GRM5: variants seen among roughly 807,000 people sequenced by gnomAD.
GRM5 encodes metabotropic glutamate receptor 5.
Under a neutral mutation model 83.1 loss-of-function variants are expected in GRM5, and 19 were observed. The ratio of observed to expected loss-of-function variants is 0.23; its 90% CI spans 0.16 to 0.34. The LOEUF is 0.34. Among genes scored for constraint, GRM5 ranks in the 10% least tolerant of loss-of-function variants. GRM5 has a pLI of 1.00. For synonymous variants in GRM5, 675 were observed against 633.6 expected (o/e 1.07, Z -0.98); for missense variants, 1,160 against 1,588.3 (o/e 0.73, Z 4.58).
chr11:88,591,946 G>T (rs548983369), intron 6 of GRM5, among the ~76,000 whole-genome samples: 1 of 152,242 alleles, frequency 6.6e-6, no homozygotes, highest in Admixed American at 6.5e-5. Context: ...GAAGTAGCTG[G>T]TTTATTTTTT....
intron 4 of GRM5, among the ~76,000 whole-genome samples, chr11:88,630,179 A>C (rs1847439): frequency 0.69 from 105,490 of 152,080 alleles, 41,866 homozygotes; most frequent in Non-Finnish European, 0.9. Context: ...TATCTCCCTG[A>C]TTTATTTTTC....
intron 2 of GRM5, among the ~76,000 whole-genome samples, chr11:89,024,712 A>T (rs548834212): frequency 2.0e-5 from 3 of 152,292 alleles, no homozygotes; most frequent in African/African-American, 7.2e-5. Flanking sequence ...ACATATTTTC[A>T]ATTCTTATGT....
At chr11:88,620,194 G>A (rs1020325167) in intron 4 of GRM5, among the ~76,000 whole-genome samples, 20 of 152,180 alleles carry the variant, frequency 1.3e-4, no homozygotes, top group African/African-American at 4.6e-4. Context: ...GCCCACCACA[G>A]AGTAGGAACT....
At chr11:88,757,060 T>A (rs1223108049) in intron 3 of GRM5, among the ~76,000 whole-genome samples, 1 of 152,094 alleles carries the variant, frequency 6.6e-6, no homozygotes, top group East Asian at 1.9e-4. Context: ...GCTCATCACA[T>A]GCAAGGGGTC....
intron 2 of GRM5, among the ~76,000 whole-genome samples, chr11:88,980,645 C>A (rs906620874): frequency 1.3e-5 from 2 of 151,784 alleles, no homozygotes; most frequent in African/African-American, 4.8e-5. Flanking sequence ...ACATGGTGAG[C>A]CCCCGTCTCT....
intron 2 of GRM5, among the ~76,000 whole-genome samples, chr11:88,876,071 T>C (rs1468017859): frequency 6.6e-6 from 1 of 152,076 alleles, no homozygotes; most frequent in African/African-American, 2.4e-5. Context: ...CTCTCCTCTC[T>C]AGGATGGAAG....
chr11:88,787,801 G>C (rs148641469), intron 3 of GRM5, among the ~76,000 whole-genome samples: 45 of 152,236 alleles, frequency 3.0e-4, no homozygotes, highest in African/African-American at 9.6e-4. Flanking sequence ...CATTTATTGA[G>C]ATAGGGAATG....
At chr11:88,999,167 C>T (rs933693304) in intron 2 of GRM5, among the ~76,000 whole-genome samples, 16 of 152,166 alleles carry the variant, frequency 1.1e-4, no homozygotes, top group African/African-American at 3.6e-4. Flanking sequence ...TCATTCAGGA[C>T]ATAGGCATGG....
At chr11:88,928,907 T>TATATATATATAC (rs369951090) in intron 2 of GRM5, among the ~76,000 whole-genome samples, 11,860 of 138,602 alleles carry the variant, frequency 0.086, 672 homozygotes, top group Middle Eastern at 0.13. Flanking sequence ...TATGTGTATA[T>TATATATATATAC]ACACACACAC....
chr11:88,989,803 T>C (rs1435655857), intron 2 of GRM5, among the ~76,000 whole-genome samples: 2 of 150,850 alleles, frequency 1.3e-5, no homozygotes, highest in Admixed American at 6.6e-5. Flanking sequence ...AAGATGTTCT[T>C]TGAAACCAAC....
chr11:88,683,903 T>C (rs1940556511), intron 3 of GRM5, among the ~76,000 whole-genome samples: 1 of 152,168 alleles, frequency 6.6e-6, no homozygotes, highest in African/African-American at 2.4e-5. Context: ...TAGATAGCAA[T>C]ACATGCTGAA....
chr11:88,514,317 A>AT (rs1378765776), intron 9 of GRM5, among the ~76,000 whole-genome samples: 1 of 152,174 alleles, frequency 6.6e-6, no homozygotes, highest in Non-Finnish European at 1.5e-5. Context: ...TTTTGTTTAC[A>AT]TTTTGGGTCT....
At chr11:88,775,231 G>A (rs1056919407) in intron 3 of GRM5, among the ~76,000 whole-genome samples, 3 of 152,182 alleles carry the variant, frequency 2.0e-5, no homozygotes, top group African/African-American at 4.8e-5. Flanking sequence ...TTTGCATAGA[G>A]GGGTTTATAG....
At chr11:88,847,547 C>T (rs1277830080) in intron 3 of GRM5, among the ~76,000 whole-genome samples, 2 of 152,036 alleles carry the variant, frequency 1.3e-5, no homozygotes, top group African/African-American at 2.4e-5. Flanking sequence ...CTGAGGACCA[C>T]ACTGTTGTTC....
chr11:88,751,123 AG>A (rs1161652242), intron 3 of GRM5, among the ~76,000 whole-genome samples: 3 of 151,408 alleles, frequency 2.0e-5, no homozygotes, highest in Non-Finnish European at 4.4e-5. Flanking sequence ...GTGGAAATAA[AG>A]GAAATAGAGA....
intron 3 of GRM5, among the ~76,000 whole-genome samples, chr11:88,753,943 A>G (rs536165050): frequency 6.6e-6 from 1 of 152,240 alleles, no homozygotes; most frequent in East Asian, 1.9e-4. Context: ...AGACTTATGC[A>G]CTATCACAAA....
intron 2 of GRM5, among the ~76,000 whole-genome samples, chr11:88,948,396 G>T (rs1197836547): frequency 6.6e-6 from 1 of 152,138 alleles, no homozygotes; most frequent in African/African-American, 2.4e-5. Context: ...CTCAAGGATG[G>T]CATGCTGCTT....
intron 7 of GRM5, among the ~76,000 whole-genome samples, chr11:88,580,443 A>G (rs556722423): frequency 6.6e-6 from 1 of 152,360 alleles, no homozygotes; most frequent in East Asian, 1.9e-4. Context: ...TCATAAATGT[A>G]AAAATATCAG....
intron 3 of GRM5, among the ~76,000 whole-genome samples, chr11:88,655,558 A>G (rs1939744967): frequency 1.3e-5 from 2 of 152,124 alleles, no homozygotes; most frequent in Non-Finnish European, 2.9e-5. Flanking sequence ...TGAATTTAAC[A>G]GGGATTGTAA....
Sources: allele counts gnomAD v4.1 joint callset (sites outside exome capture counted in the v4.1 genomes callset), GRCh38; gene constraint gnomAD v4.1.1; transcripts MANE v1.5; gene names NCBI Gene and HGNC (gene_info 2026-07-23, HGNC 2026-07-21).